CIZ1: variants seen among roughly 807,000 people sequenced by gnomAD.
CIZ1 encodes the protein CDKN1A interacting zinc finger protein 1, also known as cip1-interacting zinc finger protein.
Under a neutral mutation model 118.6 loss-of-function variants are expected in CIZ1, and 58 were observed. The observed-to-expected ratio is 0.49, with a 90% CI of 0.40 to 0.61. The LOEUF is 0.61. CIZ1 is among the 20% of genes least tolerant of loss of function. CIZ1 has a pLI of 0.00. For synonymous variants in CIZ1, 448 were observed against 443.4 expected, an observed-to-expected ratio of 1.01 and a Z score of -0.13; for missense variants, 921 against 1,115.9, an observed-to-expected ratio of 0.83 and a Z score of 2.49.
chr9:128,186,908 C>T (rs1019781902), intron 4 of CIZ1, among the ~76,000 whole-genome samples: 3 of 151,522 alleles, frequency 2.0e-5, no homozygotes, highest in African/African-American at 7.3e-5. Context: ...TATTCTAGGA[C>T]GAGCTACATA....
chr9:128,183,868 T>C (rs1293960492), intron 5 of CIZ1, among the ~76,000 whole-genome samples: 1 of 151,990 alleles, frequency 6.6e-6, no homozygotes. Flanking sequence ...CAGGTTCAAG[T>C]GATTCTCCTA....
At chr9:128,193,189 G>T (rs1467910103), upstream of CIZ1, among the ~76,000 whole-genome samples, 3 of 152,228 alleles carry the variant, frequency 2.0e-5, no homozygotes, top group Admixed American at 2.0e-4. Flanking sequence ...CGGAGCGCAG[G>T]GTGGCGTCCA....
upstream of CIZ1, chr9:128,192,014 G>A: frequency 2.0e-6 from 2 of 991,770 alleles, no homozygotes; most frequent in Non-Finnish European, 2.7e-6. Flanking sequence ...CCACGGAGGG[G>A]TGGAGGGAGA....
upstream of CIZ1, among the ~76,000 whole-genome samples, chr9:128,193,421 A>G (rs575864912): frequency 1.2e-3 from 189 of 152,256 alleles, no homozygotes; most frequent in African/African-American, 4.4e-3. Flanking sequence ...AAGACTGCCC[A>G]GGCTCTACTG....
At chr9:128,194,248 G>T (rs1158140176), upstream of CIZ1, among the ~76,000 whole-genome samples, 1 of 151,056 alleles carries the variant, frequency 6.6e-6, no homozygotes, top group Non-Finnish European at 1.5e-5. Flanking sequence ...TGTCATCCCA[G>T]CTACTCGGGA....
At position 128,191,114 on chromosome 9, in the gene CIZ1, C is replaced by A. The variant is rs900256173; in HGVS notation, c.-5-252G>T. On this transcript the variant is annotated intron_variant, in intron 1 of 16. Coordinates refer to ENST00000372938, the MANE Select transcript of CIZ1 (RefSeq NM_001131016.2). The surrounding 1 kb of genome is among the most constrained non-coding windows in gnomAD (Gnocchi z 5.5). ...CCCCAGACACTGCCAACAGCCCCTC[C>A]TTCAAGTCCCTCCATCTCTCCATTT... Among the ~76,000 whole-genome samples, 5 of 152,242 alleles carry A rather than the reference C, an allele frequency of 3.3e-5. No homozygotes were observed. The South Asian group carries it at 6.2e-4, about 19-fold the overall frequency.
chr9:128,203,261 T>C lies in CIZ1; in HGVS notation c.-6+925A>G. 1 of 219,884 alleles carries C rather than the reference T, an allele frequency of 4.5e-6. No homozygotes were observed. 13.6% of individuals were successfully genotyped at this position (219,884 alleles called of 1,614,324 possible). ...AAGGTGAAAACTACGACACCCATGATGCCCCGGACGGCGCCTGCGCACGGC... is the reference window on the plus strand; with the variant it reads ...AAGGTGAAAACTACGACACCCATGACGCCCCGGACGGCGCCTGCGCACGGC... On this transcript the variant is annotated intron_variant, in intron 1 of 17. Transcript: ENST00000372948. The surrounding 1 kb of genome is among the most constrained non-coding windows in gnomAD (Gnocchi z 5.3).
At chr9:128,169,619 C>A (rs749591724) in intron 12 of CIZ1, 100 bp from the exon 13 acceptor site, 17 of 1,561,546 alleles carry the variant, frequency 1.1e-5, no homozygotes, top group East Asian at 2.4e-5. Flanking sequence ...CCGGGCAGGC[C>A]CACCATATCT....
chr9:128,194,972 C>G (rs554895973), upstream of CIZ1, among the ~76,000 whole-genome samples: 3 of 152,266 alleles, frequency 2.0e-5, no homozygotes, highest in South Asian at 6.2e-4. Flanking sequence ...TCCATGCCAC[C>G]ACGCCCAGCA....
At chr9:128,171,086 T>C (rs562433387) in intron 11 of CIZ1, among the ~76,000 whole-genome samples, 210 of 152,150 alleles carry the variant, frequency 1.4e-3, no homozygotes, top group Middle Eastern at 3.4e-3. Flanking sequence ...TGACTGCCAC[T>C]GCACTCCAGC....
intron 1 of CIZ1, 22 bp from the exon 2 acceptor site, chr9:128,190,884 A>C: frequency 2.6e-6 from 4 of 1,521,738 alleles, no homozygotes; most frequent in Non-Finnish European, 3.5e-6. Context: ...AAGCAGAGTG[A>C]GGCAAGGGGT....
rs1341757409 is a variant in CIZ1, at chr9:128,166,474, A to G, written c.2488-68T>C. 2 of 1,264,278 alleles carry G rather than the reference A, an allele frequency of 1.6e-6. No individual in the cohort carries two copies. Among genetic ancestry groups the G allele is most frequent in the African/African-American group, 1.5e-5 (1 of 66,444 alleles). The allele number at this position is 1,264,278 out of a possible 1,614,324, so 78.3% of individuals were successfully genotyped here. ...CATGGTATGCTCCTGGCCAGCAGCTACTTCCCCAGCTCTGGCTGAGACAGT... is the reference window on the plus strand; with the variant it reads ...CATGGTATGCTCCTGGCCAGCAGCTGCTTCCCCAGCTCTGGCTGAGACAGT... On this transcript the variant is annotated intron_variant, in intron 16 of 16. Transcript: ENST00000372938. The surrounding 1 kb of genome is among the most constrained non-coding windows in gnomAD (Gnocchi z 4.4).
At chr9:128,174,820 A>G (rs1225285353) in intron 11 of CIZ1, among the ~76,000 whole-genome samples, 3 of 152,100 alleles carry the variant, frequency 2.0e-5, no homozygotes, top group African/African-American at 7.2e-5. Context: ...CACCATGCCC[A>G]GCTAATTTTG....
chr9:128,169,746 C>G, intron 12 of CIZ1: 1 of 1,520,258 alleles, frequency 6.6e-7, no homozygotes, highest in Non-Finnish European at 8.8e-7. Context: ...AGGACAGACA[C>G]AGAGAGAAGA....
At chr9:128,188,749 C>T (rs941472792) in intron 3 of CIZ1, among the ~76,000 whole-genome samples, 1 of 152,144 alleles carries the variant, frequency 6.6e-6, no homozygotes, top group African/African-American at 2.4e-5. Flanking sequence ...TCTCATGCCT[C>T]AGCCTCCTGA....
chr9:128,196,244 C>T (rs1381312057), upstream of CIZ1, among the ~76,000 whole-genome samples: 2 of 151,878 alleles, frequency 1.3e-5, no homozygotes, highest in South Asian at 2.1e-4. Flanking sequence ...CCCCGTTTTT[C>T]AGTTTAAGAA....
chr9:128,166,993 G>A lies in CIZ1; in HGVS notation c.2365+102C>T. On this transcript the variant is annotated intron_variant, in intron 15 of 16. Coordinates refer to ENST00000372938, the MANE Select transcript of CIZ1 (RefSeq NM_001131016.2). This position sits in a 1 kb window ranked among gnomAD's most constrained non-coding sequence, Gnocchi z 4.4. ...CCTCTAGGCAGGGGCAGAAGAGAAGGCTTCCCAGCCAGAATGCCATGGCTG... is the reference window on the plus strand; with the variant it reads ...CCTCTAGGCAGGGGCAGAAGAGAAGACTTCCCAGCCAGAATGCCATGGCTG... The A allele has an allele frequency of 6.3e-7, 1 of 1,596,678 alleles. No homozygotes were observed. The highest frequency in any genetic ancestry group is 2.3e-5 in the East Asian group (1 of 44,396).
chr9:128,178,258 C>T (rs1479344794), intron 9 of CIZ1, 111 bp downstream of exon 9: 1 of 1,326,396 alleles, frequency 7.5e-7, no homozygotes, highest in African/African-American at 1.5e-5. Context: ...CATCCCATTT[C>T]ACGGTGGGGG....
chr9:128,190,626 A>C (rs1416704897), intron 2 of CIZ1, 62 bp downstream of exon 2: 3 of 1,521,114 alleles, frequency 2.0e-6, no homozygotes, highest in East Asian at 2.5e-5. Flanking sequence ...GGGGATCGGG[A>C]GCTCCGAGAC....
Sources: gnomAD v4.1 joint callset for allele counts (sites outside exome capture counted in the v4.1 genomes callset) on GRCh38, gnomAD v4.1.1 for gene constraint, Gnocchi (gnomAD v3.1) non-coding constraint, MANE v1.5 for transcripts, NCBI Gene and HGNC (gene_info 2026-07-23, HGNC 2026-07-21) for gene names.